Variants in SEMA6A observed in about 807,000 individuals in gnomAD.
SEMA6A encodes semaphorin-6A.
SEMA6A carries 25 observed loss-of-function variants against 96.8 expected under a neutral mutation model. The ratio of observed to expected loss-of-function variants is 0.26; its 90% CI spans 0.19 to 0.36. SEMA6A has a LOEUF of 0.36. Among genes scored for constraint, SEMA6A ranks in the 10% least tolerant of loss-of-function variants. SEMA6A has a pLI of 1.00. For missense variants in SEMA6A, 1,363 were observed against 1,323.1 expected (o/e 1.03, Z -0.47); for synonymous variants, 612 against 518.0 (o/e 1.18, Z -2.46).
intron 18 of SEMA6A, among the ~76,000 whole-genome samples, chr5:116,463,769 T>C (rs1755558734): frequency 1.3e-5 from 2 of 152,224 alleles, no homozygotes; most frequent in African/African-American, 4.8e-5. Context: ...TACTATTTTG[T>C]CTGTTTTCTG....
intron 18 of SEMA6A, among the ~76,000 whole-genome samples, chr5:116,459,444 G>A (rs1561468927): frequency 1.3e-5 from 2 of 152,010 alleles, no homozygotes; most frequent in South Asian, 4.1e-4. Flanking sequence ...TCCACTTCCT[G>A]TTGCTAAAGC....
rs1757978506 is a variant in SEMA6A at position 116,503,250 on chromosome 5, C to G, written c.101-923G>C. 1.3e-5 allele frequency among the ~76,000 whole-genome samples: 2 copies of G among 152,132 alleles called. 1 individual carries two copies. ...TGTAAATGATGACTAGAAAACCATT[C>G]ACAGATTTATGCTTCGACCCTCACT... is the stretch of plus-strand genomic sequence containing the variant. On this transcript the variant is annotated intron_variant, in intron 2 of 18. Transcript: ENST00000343348.
intron 18 of SEMA6A, among the ~76,000 whole-genome samples, chr5:116,448,755 C>CAAAAAAAA (rs3984966): frequency 4.2e-4 from 45 of 106,492 alleles, no homozygotes; most frequent in African/African-American, 1.4e-3. Context: ...CATCACCTCT[C>CAAAAAAAA]AAAAAAAAAA....
chr5:116,480,393 AGAG>A, intron 11 of SEMA6A, 116 bp from the exon 12 acceptor site: 2 of 1,254,882 alleles, frequency 1.6e-6, no homozygotes, highest in South Asian at 1.4e-5. Context: ...CTGCAGCCTG[AGAG>A]GAGGAAGTTG....
intron 3 of SEMA6A, among the ~76,000 whole-genome samples, chr5:116,500,590 G>C (rs909532046): frequency 8.5e-5 from 13 of 152,078 alleles, no homozygotes; most frequent in African/African-American, 2.9e-4. Context: ...GGATGTTTTA[G>C]TCTAGCCCCT....
At chr5:116,482,609 A>T in intron 10 of SEMA6A, 34 bp from the exon 11 acceptor site, 1 of 1,611,068 alleles carries the variant, frequency 6.2e-7, no homozygotes, top group Non-Finnish European at 8.5e-7. Context: ...AGTGTTACTC[A>T]TGCAATGGTT....
chr5:116,485,274 A>G (rs1756995861), intron 10 of SEMA6A, among the ~76,000 whole-genome samples: 1 of 152,204 alleles, frequency 6.6e-6, no homozygotes, highest in East Asian at 1.9e-4. Flanking sequence ...ACACCCTTAA[A>G]AAACAAGACA....
chr5:116,472,051 C>T (rs191151265), intron 17 of SEMA6A, among the ~76,000 whole-genome samples: 1 of 152,258 alleles, frequency 6.6e-6, no homozygotes, highest in African/African-American at 2.4e-5. Context: ...AAACTCACAG[C>T]TTGCATTATA....
At position 116,513,319 on chromosome 5, in the gene SEMA6A, G is replaced by A. The variant is rs543971568; in HGVS notation, c.-38-8337C>T. On this transcript the variant is annotated intron_variant, in intron 1 of 18. Transcript: ENST00000343348. ...ATTTTGTATTTTTAGTAGAGACGGG[G>A]TTTCTCCATGTTGGTCAGGCTGGTC... Among the ~76,000 whole-genome samples, 30 of 152,144 alleles carry A rather than the reference G, an allele frequency of 2.0e-4. No individual in the cohort carries two copies. In the South Asian group the frequency reaches 6.0e-3, roughly 31 times the overall value.
Position 116,511,943 on chromosome 5 carries a change from T to A in SEMA6A, c.-38-6961A>T, listed in dbSNP as rs116554995. ...TAAACAGATGTGGACATATCTCAAG[T>A]GAGTAAGGAACCTCTGTCCAGAGAG... On this transcript the variant is annotated intron_variant, in intron 1 of 18. Coordinates refer to ENST00000343348, the MANE Select transcript of SEMA6A (RefSeq NM_020796.5). Among the ~76,000 whole-genome samples the A allele has an allele frequency of 2.9e-3, 439 of 152,262 alleles. 3 individuals carry two copies. Among genetic ancestry groups the A allele is most frequent in the African/African-American group, 1.0e-2 (415 of 41,548 alleles).
intron 1 of SEMA6A, among the ~76,000 whole-genome samples, chr5:116,543,613 T>G (rs915201202): frequency 6.6e-6 from 1 of 152,226 alleles, no homozygotes. Context: ...TAATACATGA[T>G]GACTGTTTAA....
intron 1 of SEMA6A, among the ~76,000 whole-genome samples, chr5:116,560,082 A>C (rs1760761073): frequency 6.6e-6 from 1 of 151,020 alleles, no homozygotes; most frequent in African/African-American, 2.4e-5. Context: ...TACATTCCCC[A>C]CCTCTGGGCT....
intron 1 of SEMA6A, among the ~76,000 whole-genome samples, chr5:116,525,990 C>A (rs1203822098): frequency 6.6e-6 from 1 of 152,118 alleles, no homozygotes; most frequent in Non-Finnish European, 1.5e-5. Context: ...CAGCCAGCTG[C>A]CCTAGGTTAA....
chr5:116,551,711 C>T (rs1219400636), intron 1 of SEMA6A, among the ~76,000 whole-genome samples: 1 of 152,126 alleles, frequency 6.6e-6, no homozygotes, highest in Admixed American at 6.6e-5. Flanking sequence ...TTCATTCCCA[C>T]CCACCACTAA....
At chr5:116,544,234 A>C (rs528790665) in intron 1 of SEMA6A, among the ~76,000 whole-genome samples, 1 of 152,222 alleles carries the variant, frequency 6.6e-6, no homozygotes, top group East Asian at 1.9e-4. Context: ...GCATGGATGC[A>C]GTTTACAGAG....
intron 1 of SEMA6A, among the ~76,000 whole-genome samples, chr5:116,515,659 C>T (rs10069729): frequency 0.072 from 10,948 of 152,216 alleles, 454 homozygotes; most frequent in Admixed American, 0.11. Context: ...TTTGACAGGA[C>T]GACTCTCCCT....
intron 1 of SEMA6A, among the ~76,000 whole-genome samples, chr5:116,522,475 G>A (rs982793873): frequency 6.6e-6 from 1 of 152,190 alleles, no homozygotes; most frequent in Non-Finnish European, 1.5e-5. Flanking sequence ...GGTGTCAGTA[G>A]TGATAATTCT....
intron 1 of SEMA6A, among the ~76,000 whole-genome samples, chr5:116,509,193 T>G (rs1035967805): frequency 5.3e-5 from 8 of 152,198 alleles, no homozygotes; most frequent in African/African-American, 1.9e-4. Flanking sequence ...CAAGGAACAT[T>G]TTAATAATAA....
intron 3 of SEMA6A, among the ~76,000 whole-genome samples, chr5:116,499,408 C>T (rs1349607792): frequency 2.5e-4 from 3 of 12,240 alleles, no homozygotes; most frequent in Non-Finnish European, 4.7e-4. Flanking sequence ...TGAACCTGGG[C>T]GGGCGGGGGT....
Sources: allele counts gnomAD v4.1 joint callset (sites outside exome capture counted in the v4.1 genomes callset), GRCh38; gene constraint gnomAD v4.1.1; transcripts MANE v1.5; gene names NCBI Gene and HGNC (gene_info 2026-07-23, HGNC 2026-07-21).